The following SPMIP7 variants were observed in gnomAD, a reference collection of about 807,000 sequenced individuals.
SPMIP7 encodes protein SPMIP7.
chr7:50,134,384 A>C, the SPMIP7 span: 12 of 556,442 alleles, frequency 2.2e-5, no homozygotes, highest in Non-Finnish European at 3.2e-5. Context: ...GTAAATATAT[A>C]TACACACACA....
At chr7:50,126,899 T>G in the SPMIP7 span, among the ~76,000 whole-genome samples, 1 of 151,896 alleles carries the variant, frequency 6.6e-6, no homozygotes, top group South Asian at 2.1e-4. Flanking sequence ...TTCATAGGAA[T>G]AGAAAAAATA....
chr7:50,141,469 A>G, the SPMIP7 span: 1 of 886,894 alleles, frequency 1.1e-6, no homozygotes. Context: ...AAATGAAGGA[A>G]TTTAAACGTG....
At chr7:50,119,611 C>G in the SPMIP7 span, among the ~76,000 whole-genome samples, 1 of 152,180 alleles carries the variant, frequency 6.6e-6, no homozygotes, top group Non-Finnish European at 1.5e-5. Context: ...CATGCTAAAA[C>G]CTCAAAGGAG....
At chr7:50,106,754 A>G in the SPMIP7 span, among the ~76,000 whole-genome samples, 4 of 152,206 alleles carry the variant, frequency 2.6e-5, no homozygotes, top group Non-Finnish European at 5.9e-5. Flanking sequence ...GAAGGAGAAA[A>G]AAATGAGCTC....
At chr7:50,114,625 G>C in the SPMIP7 span, among the ~76,000 whole-genome samples, 3 of 151,984 alleles carry the variant, frequency 2.0e-5, no homozygotes, top group Non-Finnish European at 4.4e-5. Flanking sequence ...AAGAAAAATA[G>C]AGAAGATAAA....
chr7:50,118,796 C>A, the SPMIP7 span, among the ~76,000 whole-genome samples: 4 of 151,858 alleles, frequency 2.6e-5, no homozygotes, highest in African/African-American at 9.7e-5. Flanking sequence ...AATTTGATTG[C>A]GCTGGCTTTA....
At chr7:50,103,511 C>T in the SPMIP7 span, among the ~76,000 whole-genome samples, 2 of 152,180 alleles carry the variant, frequency 1.3e-5, no homozygotes, top group African/African-American at 4.8e-5. Context: ...TCCTATCTAC[C>T]ATTTTACAAT....
chr7:50,111,572 C>T, the SPMIP7 span, among the ~76,000 whole-genome samples: 4 of 152,172 alleles, frequency 2.6e-5, no homozygotes, highest in African/African-American at 9.6e-5. Flanking sequence ...TCCCTATTGG[C>T]ACAGCTGTCA....
At chr7:50,106,575 A>G in the SPMIP7 span, among the ~76,000 whole-genome samples, 10 of 152,226 alleles carry the variant, frequency 6.6e-5, no homozygotes, top group Admixed American at 1.3e-4. Flanking sequence ...ATCTTATTAA[A>G]CCTCAAAGTA....
chr7:50,104,653 C>T, the SPMIP7 span, among the ~76,000 whole-genome samples: 3 of 152,062 alleles, frequency 2.0e-5, no homozygotes, highest in African/African-American at 7.2e-5. Context: ...GTAGATGCAG[C>T]TGGTGCCCAT....
chr7:50,158,402 G>T, the SPMIP7 span, among the ~76,000 whole-genome samples: 3 of 146,768 alleles, frequency 2.0e-5, no homozygotes, highest in South Asian at 2.2e-4. Flanking sequence ...CAGGTCTCTG[G>T]GTGACCCACC....
At chr7:50,098,679 C>CAG in the SPMIP7 span, among the ~76,000 whole-genome samples, 110 of 149,262 alleles carry the variant, frequency 7.4e-4, no homozygotes, top group African/African-American at 2.3e-3. Context: ...CTTGCATCCT[C>CAG]AGAGAGAGAG....
At chr7:50,120,959 C>T in the SPMIP7 span, among the ~76,000 whole-genome samples, 8 of 152,120 alleles carry the variant, frequency 5.3e-5, no homozygotes, top group African/African-American at 1.9e-4. Flanking sequence ...GCAGAGATTC[C>T]TGTTGCATAG....
chr7:50,111,498 T>G, the SPMIP7 span, among the ~76,000 whole-genome samples: 2 of 152,142 alleles, frequency 1.3e-5, no homozygotes, highest in African/African-American at 4.8e-5. Context: ...ACTGTACACG[T>G]GGTGACAAAG....
the SPMIP7 span, among the ~76,000 whole-genome samples, chr7:50,125,215 TACACATATATAC>T: frequency 9.4e-3 from 838 of 88,956 alleles, 44 homozygotes; most frequent in African/African-American, 0.041. Context: ...CACATATATA[TACACATATATAC>T]ACATATATAT....
chr7:50,099,864 C>G, the SPMIP7 span, among the ~76,000 whole-genome samples: 1 of 152,170 alleles, frequency 6.6e-6, no homozygotes, highest in South Asian at 2.1e-4. Flanking sequence ...CAAGCCCAGG[C>G]TACCTTCTCC....
At chr7:50,108,080 A>T in the SPMIP7 span, among the ~76,000 whole-genome samples, 1 of 152,210 alleles carries the variant, frequency 6.6e-6, no homozygotes, top group Non-Finnish European at 1.5e-5. Flanking sequence ...ATTAGGACAT[A>T]AAGGAAGTTC....
chr7:50,097,899 C>T, the SPMIP7 span, among the ~76,000 whole-genome samples: 1 of 152,100 alleles, frequency 6.6e-6, no homozygotes, highest in Non-Finnish European at 1.5e-5. Context: ...AGCAGAATCC[C>T]TGAAACCTGA....
the SPMIP7 span, among the ~76,000 whole-genome samples, chr7:50,145,712 C>T: frequency 2.8e-5 from 4 of 142,258 alleles, no homozygotes; most frequent in African/African-American, 7.9e-5. Flanking sequence ...ATGCATCTCA[C>T]ACTTGTATTT....
Sources: allele counts gnomAD v4.1 joint callset (sites outside exome capture counted in the v4.1 genomes callset), GRCh38; gene constraint gnomAD v4.1.1; transcripts MANE v1.5; gene names NCBI Gene and HGNC (gene_info 2026-07-23, HGNC 2026-07-21).